Variants in CCDC7 observed in about 807,000 individuals in gnomAD.
CCDC7 encodes coiled-coil domain containing 7.
CCDC7 carries 183 observed loss-of-function variants against 196.9 expected under a neutral mutation model. The observed-to-expected ratio is 0.93, with a 90% CI of 0.82 to 1.05. CCDC7 has a LOEUF of 1.05. Ranked by LOEUF, CCDC7 falls within the 50% of genes least tolerant of loss-of-function variation. The pLI is 0.00. For synonymous variants in CCDC7, 525 were observed against 484.6 expected (o/e 1.08, Z -1.10); for missense variants, 1,540 against 1,482.2 (o/e 1.04, Z -0.64).
chr10:32,665,597 C>G (rs1226323665), intron 21 of CCDC7, among the ~76,000 whole-genome samples: 1 of 151,960 alleles, frequency 6.6e-6, no homozygotes, highest in Non-Finnish European at 1.5e-5. Context: ...TGTACCAGTA[C>G]CATGCTGTCT....
chr10:32,671,440 G>C (rs2074040946), intron 21 of CCDC7, among the ~76,000 whole-genome samples: 1 of 152,062 alleles, frequency 6.6e-6, no homozygotes, highest in African/African-American at 2.4e-5. Context: ...TACCATGTAG[G>C]TTTATGCAAT....
At chr10:32,581,477 C>T (rs2058725713) in intron 16 of CCDC7, among the ~76,000 whole-genome samples, 1 of 152,058 alleles carries the variant, frequency 6.6e-6, no homozygotes, top group South Asian at 2.1e-4. Flanking sequence ...CCTCCTCCTT[C>T]ACCATCTAAT....
chr10:32,559,131 G>A (rs1287676134), intron 13 of CCDC7, among the ~76,000 whole-genome samples: 1 of 152,250 alleles, frequency 6.6e-6, no homozygotes, highest in Admixed American at 6.5e-5. Flanking sequence ...GCCCGCCATT[G>A]CCCAGGCTTG....
chr10:32,485,945 G>A (rs2040982905), intron 8 of CCDC7, among the ~76,000 whole-genome samples: 1 of 152,182 alleles, frequency 6.6e-6, no homozygotes, highest in South Asian at 2.1e-4. Flanking sequence ...AATAAGTGCT[G>A]TGTGGTGCTG....
At chr10:32,558,048 C>T (rs1020779212) in intron 13 of CCDC7, among the ~76,000 whole-genome samples, 6 of 152,064 alleles carry the variant, frequency 3.9e-5, no homozygotes, top group African/African-American at 7.2e-5. Flanking sequence ...GCATATTTTC[C>T]TTTATGCTGG....
intron 18 of CCDC7, among the ~76,000 whole-genome samples, chr10:32,618,189 G>T (rs1269937204): frequency 1.3e-5 from 2 of 151,884 alleles, no homozygotes; most frequent in African/African-American, 4.8e-5. Flanking sequence ...AATGCAGTCT[G>T]CCAATCTCTA....
chr10:32,795,311 C>T (rs1015344022), intron 29 of CCDC7, among the ~76,000 whole-genome samples: 2 of 152,094 alleles, frequency 1.3e-5, no homozygotes, highest in Admixed American at 1.3e-4. Flanking sequence ...AGGTTTTCTT[C>T]AGGCTCACTG....
At chr10:32,515,818 C>T (rs1354343555) in intron 9 of CCDC7, among the ~76,000 whole-genome samples, 5 of 152,068 alleles carry the variant, frequency 3.3e-5, no homozygotes, top group Non-Finnish European at 7.4e-5. Flanking sequence ...GGATTACAGG[C>T]GTGAGCCACC....
At chr10:32,513,347 G>A (rs1444586310) in intron 9 of CCDC7, 2 of 151,956 alleles carry the variant, frequency 1.3e-5, no homozygotes, top group African/African-American at 4.8e-5. Flanking sequence ...GATTTAATTA[G>A]TAATTAACAT....
intron 31 of CCDC7, among the ~76,000 whole-genome samples, chr10:32,816,838 A>AAG (rs2088721544): frequency 6.6e-6 from 1 of 152,188 alleles, no homozygotes; most frequent in Non-Finnish European, 1.5e-5. Context: ...CCATCTATGC[A>AAG]TCACCATCAT....
At chr10:32,652,336 A>G (rs10827090) in intron 20 of CCDC7, among the ~76,000 whole-genome samples, 21,055 of 151,968 alleles carry the variant, frequency 0.14, 1,773 homozygotes, top group East Asian at 0.25. Context: ...TATAGGGCAC[A>G]TATACTTGGA....
rs191116197 is a variant in CCDC7 at position 32,453,014 on chromosome 10, A to C, written c.280-330A>C. 1.3e-3 allele frequency among the ~76,000 whole-genome samples: 203 copies of C among 152,216 alleles called. 2 individuals are homozygous for C. Among genetic ancestry groups the C allele is most frequent in the Non-Finnish European group, 4.6e-4 (31 of 68,012 alleles). ...TTTCCCCTAACTCTCTTCAGAGGAGAAAGTCAAGGCAGACTTTGAGGAAAA... is the reference window on the plus strand; with the variant it reads ...TTTCCCCTAACTCTCTTCAGAGGAGCAAGTCAAGGCAGACTTTGAGGAAAA... On this transcript the variant is annotated intron_variant, in intron 1 of 41. Transcript: ENST00000639629.
At chr10:32,656,632 G>A (rs144258268) in intron 20 of CCDC7, among the ~76,000 whole-genome samples, 218 of 152,192 alleles carry the variant, frequency 1.4e-3, no homozygotes, top group Middle Eastern at 0.014. Flanking sequence ...ACCTCCCACT[G>A]GGTCCCTCCC....
intron 31 of CCDC7, among the ~76,000 whole-genome samples, chr10:32,821,307 AAAC>A (rs879710650): frequency 2.2e-4 from 33 of 152,078 alleles, no homozygotes; most frequent in Non-Finnish European, 4.4e-4. Flanking sequence ...AAAAGTCAGG[AAAC>A]AACAGGTGCT....
chr10:32,571,701 C>T (rs1319346283), intron 15 of CCDC7, among the ~76,000 whole-genome samples, 158 bp from the exon 17 acceptor site: 1 of 151,974 alleles, frequency 6.6e-6, no homozygotes, highest in Non-Finnish European at 1.5e-5. Flanking sequence ...AATGTCTCTT[C>T]CAATGCTAAA....
chr10:32,597,732 C>T (rs2060543726), intron 18 of CCDC7, among the ~76,000 whole-genome samples: 1 of 152,200 alleles, frequency 6.6e-6, no homozygotes, highest in Admixed American at 6.5e-5. Flanking sequence ...TGTTAGTTTT[C>T]CTTCTAACAG....
chr10:32,712,658 AC>A (rs2081019831), intron 25 of CCDC7, among the ~76,000 whole-genome samples: 1 of 152,196 alleles, frequency 6.6e-6, no homozygotes, highest in African/African-American at 2.4e-5. Context: ...GTTTATTGTA[AC>A]CTATCCTACA....
At chr10:32,820,051 G>T (rs1246440249) in intron 31 of CCDC7, among the ~76,000 whole-genome samples, 2 of 152,186 alleles carry the variant, frequency 1.3e-5, no homozygotes, top group Non-Finnish European at 2.9e-5. Flanking sequence ...TGACATGATT[G>T]TATATCTAGA....
At chr10:32,782,167 G>A (rs554303616) in intron 29 of CCDC7, among the ~76,000 whole-genome samples, 2 of 151,248 alleles carry the variant, frequency 1.3e-5, no homozygotes, top group African/African-American at 4.8e-5. Context: ...CAATTAAGAA[G>A]ACATAAATAA....
Sources: allele counts gnomAD v4.1 joint callset (sites outside exome capture counted in the v4.1 genomes callset), GRCh38; gene constraint gnomAD v4.1.1; transcripts MANE v1.5; gene names NCBI Gene and HGNC (gene_info 2026-07-23, HGNC 2026-07-21).